Variants in PRKN observed in about 807,000 individuals in gnomAD.
The protein encoded by PRKN is parkin RBR E3 ubiquitin protein ligase.
PRKN carries 56 observed loss-of-function variants against 59.5 expected under a neutral mutation model. That is an observed-to-expected ratio of 0.94 (90% CI 0.76 to 1.18). The LOEUF is 1.18. Ranked by LOEUF, PRKN falls within the 50% of genes most tolerant of loss-of-function variation. The probability of loss-of-function intolerance (pLI) is 0.00; values close to 1 mark genes in which losing one functional copy is unlikely to be tolerated. For missense variants in PRKN, 657 were observed against 596.4 expected (o/e 1.10, Z -1.06); for synonymous variants, 250 against 222.1 (o/e 1.13, Z -1.12).
intron 6 of PRKN, among the ~76,000 whole-genome samples, chr6:161,803,599 G>C (rs1188532196): frequency 6.6e-6 from 1 of 152,184 alleles, no homozygotes; most frequent in Non-Finnish European, 1.5e-5. Flanking sequence ...AGCTCAACTC[G>C]GGTGGAGCCG....
At chr6:162,558,800 C>T (rs57982196) in intron 1 of PRKN, among the ~76,000 whole-genome samples, 13,830 of 151,770 alleles carry the variant, frequency 0.091, 766 homozygotes, top group South Asian at 0.19. Context: ...GTGCCACACA[C>T]CCAGCTAATT....
In PRKN at chr6:161,549,486, C is replaced by G. The variant is rs189319045; in HGVS notation, c.934-483G>C. ...TTTGAAAATCGGCCCAGCATTCCAC[C>G]TCATAATATTGGCAGCCCACACAAT... On this transcript the variant is annotated intron_variant, in intron 8 of 11. Coordinates refer to ENST00000366898, the MANE Select transcript of PRKN (RefSeq NM_004562.3). The surrounding 1 kb of genome is among the most constrained non-coding windows in gnomAD (Gnocchi z 6.0). Among the ~76,000 whole-genome samples the G allele has an allele frequency of 1.1e-4, 17 of 152,114 alleles. No individual in the cohort carries two copies. Among genetic ancestry groups the G allele is most frequent in the African/African-American group, 3.6e-4 (15 of 41,426 alleles).
intron 6 of PRKN, among the ~76,000 whole-genome samples, chr6:161,826,176 A>T (rs1312888978): frequency 6.6e-6 from 1 of 152,188 alleles, no homozygotes. Context: ...ATACCAAAAC[A>T]TGTCAGTACG....
chr6:162,178,692 T>C (rs1783648603), intron 4 of PRKN, among the ~76,000 whole-genome samples: 2 of 152,208 alleles, frequency 1.3e-5, no homozygotes, highest in Admixed American at 6.5e-5. Context: ...TGGTCAGCTT[T>C]ATGACACAAA....
chr6:162,648,051 T>C (rs957586336), intron 1 of PRKN, among the ~76,000 whole-genome samples: 2 of 148,976 alleles, frequency 1.3e-5, no homozygotes, highest in African/African-American at 5.0e-5. Flanking sequence ...TCCCAACTAA[T>C]TACAGAAAGG....
intron 1 of PRKN, among the ~76,000 whole-genome samples, chr6:162,544,017 A>G (rs975744054): frequency 1.3e-4 from 20 of 151,920 alleles, no homozygotes; most frequent in Non-Finnish European, 2.6e-4. Flanking sequence ...CAATCATTTC[A>G]TTTTTGCTTC....
intron 2 of PRKN, among the ~76,000 whole-genome samples, chr6:162,411,232 G>A (rs759654508): frequency 8.5e-5 from 13 of 152,150 alleles, no homozygotes; most frequent in Non-Finnish European, 1.8e-4. Context: ...TTCAAGACAA[G>A]CATTTGAATC....
Position 161,385,856 on chromosome 6 carries a change from C to T in PRKN, c.1167+938G>A, listed in dbSNP as rs1786217018. 6.6e-6 allele frequency among the ~76,000 whole-genome samples: 1 copy of T among 152,192 alleles called. No individual in the cohort carries two copies. Among genetic ancestry groups the T allele is most frequent in the South Asian group, 2.1e-4 (1 of 4,824 alleles). On this transcript the variant is annotated intron_variant, in intron 10 of 11. Coordinates refer to ENST00000366898, the MANE Select transcript of PRKN (RefSeq NM_004562.3). The surrounding 1 kb of genome is among the most constrained non-coding windows in gnomAD (Gnocchi z 4.9). ...GGAAATGGCAACTCAGTCCTAAATC[C>T]ACTCATATGCTCATGGCTGGCAATT...
At chr6:161,939,357 G>T (rs1779468403) in intron 6 of PRKN, among the ~76,000 whole-genome samples, 1 of 145,236 alleles carries the variant, frequency 6.9e-6, no homozygotes, top group African/African-American at 2.6e-5. Context: ...GGTGGAGGTT[G>T]CAGTGAGCTG....
chr6:161,534,180 G>A (rs769780445), intron 9 of PRKN, among the ~76,000 whole-genome samples: 3 of 151,980 alleles, frequency 2.0e-5, no homozygotes, highest in African/African-American at 7.3e-5. Flanking sequence ...CCTCTCCGTC[G>A]GCTAATCATT....
Position 162,602,609 on chromosome 6 carries a change from G to A in PRKN, c.7+125053C>T, listed in dbSNP as rs532056504. 2.0e-5 allele frequency among the ~76,000 whole-genome samples: 3 copies of A among 152,294 alleles called. 1 individual carries two copies. The South Asian group carries it at 6.2e-4, about 32-fold the overall frequency. ...AAAAAGACACAAAGACACATTAAGA[G>A]TCCATTGTAGGTATCTGGGTTAGAG... On this transcript the variant is annotated intron_variant, in intron 1 of 11. Coordinates refer to ENST00000366898, the MANE Select transcript of PRKN (RefSeq NM_004562.3).
At chr6:161,780,169 C>T (rs1360581879) in intron 7 of PRKN, among the ~76,000 whole-genome samples, 1 of 152,182 alleles carries the variant, frequency 6.6e-6, no homozygotes, top group Non-Finnish European at 1.5e-5. Flanking sequence ...AATCAAGTCA[C>T]ACTAAGGTGA....
intron 4 of PRKN, among the ~76,000 whole-genome samples, chr6:162,161,709 T>C (rs1252076463): frequency 6.6e-6 from 1 of 152,148 alleles, no homozygotes; most frequent in Non-Finnish European, 1.5e-5. Flanking sequence ...CCTTCTGACC[T>C]AACACTACGT....
Position 161,544,173 on chromosome 6 carries a change from G to A in PRKN, c.1083+4681C>T, listed in dbSNP as rs540041458. Among the ~76,000 whole-genome samples the A allele has an allele frequency of 5.9e-5, 9 of 152,282 alleles. No homozygotes were observed. Among genetic ancestry groups the A allele is most frequent in the African/African-American group, 2.2e-4 (9 of 41,574 alleles). The stretch of plus-strand genomic sequence containing the variant: ...CAAGAGTAAGACATTTTACATATCA[G>A]AATGTACTCTTTACTTGGCCGTGTA... On this transcript the variant is annotated intron_variant, in intron 9 of 11. Coordinates refer to ENST00000366898, the MANE Select transcript of PRKN (RefSeq NM_004562.3). The surrounding 1 kb of genome is among the most constrained non-coding windows in gnomAD (Gnocchi z 5.5).
At chr6:161,943,063 A>T (rs997124024) in intron 6 of PRKN, among the ~76,000 whole-genome samples, 1 of 152,220 alleles carries the variant, frequency 6.6e-6, no homozygotes, top group Non-Finnish European at 1.5e-5. Context: ...AATGATATCA[A>T]ACTTTTTTAA....
intron 1 of PRKN, among the ~76,000 whole-genome samples, chr6:162,637,535 G>A (rs1487240901): frequency 1.3e-5 from 2 of 152,094 alleles, no homozygotes; most frequent in East Asian, 1.9e-4. Flanking sequence ...AGCAGGGCTC[G>A]ACTTTGACCT....
intron 3 of PRKN, among the ~76,000 whole-genome samples, chr6:162,237,418 T>C (rs1778784916): frequency 6.6e-6 from 1 of 152,194 alleles, no homozygotes; most frequent in Non-Finnish European, 1.5e-5. Context: ...CTTTTCTTCT[T>C]CATATTATTG....
intron 7 of PRKN, among the ~76,000 whole-genome samples, chr6:161,665,006 T>G (rs1034442132): frequency 1.3e-5 from 2 of 151,986 alleles, no homozygotes; most frequent in African/African-American, 4.8e-5. Context: ...CAGGCTGGTC[T>G]CGAACTCCTG....
At chr6:162,387,209 T>A (rs1157727318) in intron 2 of PRKN, among the ~76,000 whole-genome samples, 1 of 111,208 alleles carries the variant, frequency 9.0e-6, no homozygotes, top group Non-Finnish European at 1.9e-5. Flanking sequence ...GAAAATCCAG[T>A]AATTACACAC....
Sources: allele counts gnomAD v4.1 joint callset (sites outside exome capture counted in the v4.1 genomes callset), GRCh38; gene constraint gnomAD v4.1.1; non-coding constraint Gnocchi (gnomAD v3.1); transcripts MANE v1.5; gene names NCBI Gene and HGNC (gene_info 2026-07-23, HGNC 2026-07-21).